Variants in KDR observed in about 807,000 individuals in gnomAD.
KDR encodes the protein vascular endothelial growth factor receptor 2.
KDR carries 43 observed loss-of-function variants against 160.9 expected under a neutral mutation model. The observed-to-expected ratio is 0.27, with a 90% CI of 0.21 to 0.34. The LOEUF (loss-of-function observed/expected upper bound fraction) is 0.34, where lower values mean the gene tolerates loss of function less well. Ranked by LOEUF, KDR falls within the 10% of genes least tolerant of loss-of-function variation. The probability of loss-of-function intolerance (pLI) is 1.00; values close to 1 mark genes in which losing one functional copy is unlikely to be tolerated. For synonymous variants in KDR, 617 were observed against 600.1 expected, an observed-to-expected ratio of 1.03 and a Z score of -0.41; for missense variants, 1,469 against 1,666.4, an observed-to-expected ratio of 0.88 and a Z score of 2.06.
At chr4:55,105,034 C>T in intron 12 of KDR, 50 bp from the exon 13 acceptor site, 1 of 1,448,012 alleles carries the variant, frequency 6.9e-7, no homozygotes, top group African/African-American at 1.4e-5. Context: ...CTTGGTACAG[C>T]TCACTATCAT....
intron 9 of KDR, among the ~76,000 whole-genome samples, chr4:55,108,241 T>C (rs1265537770): frequency 2.7e-5 from 4 of 147,490 alleles, no homozygotes. Context: ...AAAATAAAAA[T>C]GACAATAAGC....
Position 55,098,817 on chromosome 4 carries a change from A to T in KDR, c.2267-14T>A. On this transcript the variant is annotated splice_polypyrimidine_tract_variant and intron_variant, in intron 15 of 29. Coordinates refer to ENST00000263923, the MANE Select transcript of KDR (RefSeq NM_002253.4). Reference sequence around the variant, plus strand: ...TTTCCTGGGCACCTGGAAAGACACAATTGAATGAGTATCAACAGTTGGAAA... The same window carrying T: ...TTTCCTGGGCACCTGGAAAGACACATTTGAATGAGTATCAACAGTTGGAAA... The T allele has an allele frequency of 6.4e-7, 1 of 1,557,142 alleles. No individual in the cohort carries two copies. The highest frequency in any genetic ancestry group is 8.9e-7 in the Non-Finnish European group (1 of 1,128,282).
chr4:55,108,881 T>C (rs1184492420), intron 9 of KDR, among the ~76,000 whole-genome samples: 1 of 152,202 alleles, frequency 6.6e-6, no homozygotes, highest in East Asian at 1.9e-4. Flanking sequence ...TTCTTTTTTA[T>C]GTTTATTTCA....
intron 27 of KDR, among the ~76,000 whole-genome samples, chr4:55,083,773 C>T (rs1172852473): frequency 1.3e-5 from 2 of 152,158 alleles, no homozygotes; most frequent in Non-Finnish European, 2.9e-5. Context: ...AATTAATTCT[C>T]TCTCCCCTAC....
rs1261230037 is a variant in KDR at position 55,106,889 on chromosome 4, C to T, written c.1413-79G>A. Reference sequence around the variant, plus strand: ...GTCAAGAGTAAGGAAAAGATTCAGACTTTGGTTATTCTGTTCTTAGAAATA... The same window carrying T: ...GTCAAGAGTAAGGAAAAGATTCAGATTTTGGTTATTCTGTTCTTAGAAATA... On this transcript the variant is annotated intron_variant, in intron 10 of 29. Transcript: ENST00000263923. 15 of 1,268,776 alleles carry T rather than the reference C, an allele frequency of 1.2e-5. No individual in the cohort carries two copies. In the Admixed American group the frequency reaches 2.2e-4, roughly 19 times the overall value. 78.6% of individuals were successfully genotyped at this position (1,268,776 alleles called of 1,614,324 possible).
In KDR at chr4:55,091,877, T is replaced by C. The variant is rs556713735; in HGVS notation, c.3069+740A>G. Among the ~76,000 whole-genome samples the C allele has an allele frequency of 4.4e-4, 67 of 152,320 alleles. 1 individual carries two copies. The highest frequency in any genetic ancestry group is 7.8e-4 in the Non-Finnish European group (53 of 68,024). On this transcript the variant is annotated intron_variant, in intron 22 of 29. Transcript: ENST00000263923. ...TGCTCCCCGCTTGGTGTTTACAACC[T>C]TTGGAATAGTTGTAACTTGTCACGT... is the stretch of plus-strand genomic sequence containing the variant.
At chr4:55,090,599 G>A (rs1370282304) in intron 22 of KDR, among the ~76,000 whole-genome samples, 1 of 152,102 alleles carries the variant, frequency 6.6e-6, no homozygotes, top group African/African-American at 2.4e-5. Context: ...AAAGTGCTGG[G>A]TTATTATAAA....
intron 2 of KDR, among the ~76,000 whole-genome samples, chr4:55,119,615 A>G (rs914394714): frequency 1.2e-4 from 18 of 152,194 alleles, no homozygotes; most frequent in Non-Finnish European, 7.3e-5. Context: ...TACAGGAGCA[A>G]AAACAGCACA....
intron 19 of KDR, 70 bp downstream of exon 19, chr4:55,096,159 T>G: frequency 1.2e-6 from 1 of 842,590 alleles, no homozygotes; most frequent in East Asian, 2.4e-5. Context: ...AGGAGTTGAC[T>G]GCTTTCCCTC....
intron 15 of KDR, among the ~76,000 whole-genome samples, chr4:55,100,122 T>C (rs183836246): frequency 6.6e-6 from 1 of 152,194 alleles, no homozygotes; most frequent in Admixed American, 6.5e-5. Context: ...GCAAGGAGAA[T>C]CAAACCGGGC....
Position 55,104,653 on chromosome 4 carries a change from G to T in KDR, c.1977C>A (p.Leu659=), listed in dbSNP as rs768377010. The change falls in exon 13 of 30, where the codon CTC becomes CTA. Residue 659 remains leucine, a synonymous_variant. Transcript: ENST00000263923. The stretch of plus-strand genomic sequence containing the variant: ...GAATTGTCTCCCTACCTAGGACTGT[G>T]AGCTGCCTGACCACGCAATGTCTTT... The part of the protein sequence containing the change: ...TKKRHCVVRQ[L]TVLERVAPTI... The T allele has an allele frequency of 1.2e-6, 2 of 1,613,382 alleles. No individual in the cohort carries two copies. The highest frequency in any genetic ancestry group is 1.7e-6 in the Non-Finnish European group (2 of 1,179,646).
chr4:55,096,435 A>G, intron 18 of KDR, 93 bp from the exon 19 acceptor site: 1 of 836,768 alleles, frequency 1.2e-6, no homozygotes, highest in South Asian at 1.4e-5. Flanking sequence ...TATACAACTT[A>G]CCCTCCGGGG....
rs1416998827 is a variant in KDR at position 55,106,009 on chromosome 4, G to C, written c.1537-69C>G. 8.3e-6 allele frequency: 8 copies of C among 963,606 alleles called. No homozygotes were observed. In the South Asian group the frequency reaches 9.0e-5, roughly 11 times the overall value. 59.7% of individuals were successfully genotyped at this position (963,606 alleles called of 1,614,324 possible). A position where few individuals can be genotyped will look rare whatever the true frequency, so the allele number is the denominator to read the frequency against. ...TGTTTGTGCACAAGCACTCAGTCCAGCAGTCTCCACAATCACTCCAACCTG... is the reference window on the plus strand; with the variant it reads ...TGTTTGTGCACAAGCACTCAGTCCACCAGTCTCCACAATCACTCCAACCTG... On this transcript the variant is annotated intron_variant, in intron 11 of 29. Coordinates refer to ENST00000263923, the MANE Select transcript of KDR (RefSeq NM_002253.4).
Position 55,110,446 on chromosome 4 carries a change from A to G in KDR, c.1212T>C (p.Ile404=). The change falls in exon 9 of 30, where the codon ATT becomes ATC. Residue 404 remains isoleucine, a synonymous_variant. Transcript: ENST00000263923. ...CCACATGGCTCTGCTTCTCCTTTGA[A>G]ATGGGATTGGTAAGGATGACAGTGT... ...GNYTVILTNP[I]SKEKQSHVVS... is the part of the protein sequence containing the mutation. The G allele has an allele frequency of 6.2e-7, 1 of 1,614,090 alleles. No homozygotes were observed. The highest frequency in any genetic ancestry group is 8.5e-7 in the Non-Finnish European group (1 of 1,179,982).
At chr4:55,094,989 G>A (rs1278020347) in intron 20 of KDR, 34 bp from the exon 21 acceptor site, 3 of 1,603,470 alleles carry the variant, frequency 1.9e-6, no homozygotes, top group East Asian at 2.2e-5. Context: ...CAAACTCCTT[G>A]AATACAAAAT....
rs1020732496 is a variant in KDR, at chr4:55,115,355, T to C, written c.415A>G (p.Thr139Ala). The part of the protein sequence containing the change: ...VSDQHGVVYI[T>A]ENKNKTVVIP... The stretch of plus-strand genomic sequence containing the variant: ...ACCACAGTTTTGTTTTTGTTCTCAG[T>C]AATGTACACGACTCCATGTTGGTCA... Residue 139 changes from threonine (T) to alanine (A), a missense_variant, in exon 4 of 30, where the codon ACT becomes GCT. Coordinates refer to ENST00000263923, the MANE Select transcript of KDR (RefSeq NM_002253.4). 2 of 1,564,120 alleles carry C rather than the reference T, an allele frequency of 1.3e-6. No individual in the cohort carries two copies. Among genetic ancestry groups the C allele is most frequent in the Middle Eastern group, 1.7e-4 (1 of 5,964 alleles).
chr4:55,098,399 G>C (rs1296026652), intron 16 of KDR, 127 bp from the exon 17 acceptor site: 6 of 1,130,868 alleles, frequency 5.3e-6, no homozygotes, highest in Admixed American at 3.9e-5. Flanking sequence ...TGGAGTTTGA[G>C]AGTGGTCCTA....
At position 55,087,758 on chromosome 4, in the gene KDR, C is replaced by A. The variant is rs890866273; in HGVS notation, c.3511G>T (p.Asp1171Tyr). ...GGAAGAACAATGTAGTCTTTGCCATCCTGAAACAATAAACACAGAAGACTG... is the reference window on the plus strand; with the variant it reads ...GGAAGAACAATGTAGTCTTTGCCATACTGAAACAATAAACACAGAAGACTG... ...GNLLQANAQQ[D>Y]GKDYIVLPIS... is the part of the protein sequence containing the mutation. Residue 1171 changes from aspartate (D) to tyrosine (Y), a missense_variant and splice_region_variant, in exon 27 of 30, where the codon GAT (aspartate) becomes TAT (tyrosine). By Grantham distance (160) the Asp-to-Tyr change is radical. Transcript: ENST00000263923. 1.9e-6 allele frequency: 3 copies of A among 1,614,074 alleles called. No homozygotes were observed. The highest frequency in any genetic ancestry group is 2.5e-6 in the Non-Finnish European group (3 of 1,179,974).
chr4:55,089,386 G>A lies in KDR; in HGVS notation c.3392C>T (p.Thr1131Ile). 1.2e-6 allele frequency: 2 copies of A among 1,606,628 alleles called. No homozygotes were observed. The highest frequency in any genetic ancestry group is 1.7e-6 in the Non-Finnish European group (2 of 1,173,676). ...EGTRMRAPDY[T>I]TPEMYQTMLD... Reference sequence around the variant, plus strand: ...CTTAAAGTCTTACATTTCTGGTGTAGTATAATCAGGGGCCCTCATTCTAGT... The same window carrying A: ...CTTAAAGTCTTACATTTCTGGTGTAATATAATCAGGGGCCCTCATTCTAGT... The change falls in exon 25 of 30, where the codon ACT (threonine) becomes ATT (isoleucine). Residue 1131 changes from threonine (T) to isoleucine (I), a missense_variant. By Grantham distance (89) the Thr-to-Ile change is moderately conservative. Coordinates refer to ENST00000263923, the MANE Select transcript of KDR (RefSeq NM_002253.4).
Sources: gnomAD v4.1 joint callset for allele counts (sites outside exome capture counted in the v4.1 genomes callset) on GRCh38, gnomAD v4.1.1 for gene constraint, MANE v1.5 for transcripts, NCBI Gene and HGNC (gene_info 2026-07-23, HGNC 2026-07-21) for gene names.